The following SGMS1 variants were observed in gnomAD, a reference collection of about 807,000 sequenced individuals.
The protein encoded by SGMS1 is sphingomyelin synthase 1.
SGMS1 carries 13 observed loss-of-function variants against 46.2 expected under a neutral mutation model. That is an observed-to-expected ratio of 0.28 (90% CI 0.18 to 0.45). SGMS1 has a LOEUF of 0.45. Ranked by LOEUF, SGMS1 falls within the 20% of genes least tolerant of loss-of-function variation. SGMS1 has a pLI of 1.00. For synonymous variants in SGMS1, 203 were observed against 187.8 expected (o/e 1.08, Z -0.66); for missense variants, 324 against 519.9 (o/e 0.62, Z 3.66).
At chr10:50,563,839 C>T (rs1838264624) in intron 2 of SGMS1, among the ~76,000 whole-genome samples, 1 of 151,690 alleles carries the variant, frequency 6.6e-6, no homozygotes, top group Non-Finnish European at 1.5e-5. Flanking sequence ...CAGGAATCCA[C>T]AGGCCCAGGG....
chr10:50,450,712 T>C (rs1837096168), intron 5 of SGMS1, among the ~76,000 whole-genome samples: 1 of 151,938 alleles, frequency 6.6e-6, no homozygotes, highest in East Asian at 1.9e-4. Flanking sequence ...TGACCCAAGA[T>C]TAAAAAACCC....
intron 6 of SGMS1, among the ~76,000 whole-genome samples, chr10:50,410,375 T>C (rs1013352035): frequency 1.3e-5 from 2 of 152,152 alleles, no homozygotes; most frequent in Admixed American, 6.5e-5. Flanking sequence ...GGCTGTCCTT[T>C]AGTCTTGCAA....
chr10:50,552,890 T>C (rs1490728478), intron 2 of SGMS1, among the ~76,000 whole-genome samples: 1 of 152,148 alleles, frequency 6.6e-6, no homozygotes, highest in African/African-American at 2.4e-5. Context: ...AAGAAGGCAG[T>C]GTGAACACCA....
chr10:50,590,286 AG>A (rs1254522720), intron 1 of SGMS1, 39 bp from the exon 2 acceptor site: 4 of 152,400 alleles, frequency 2.6e-5, no homozygotes, highest in African/African-American at 9.6e-5. Context: ...GTTATCACCA[AG>A]AATTTTTACT....
At chr10:50,554,816 G>A (rs1454384430) in intron 2 of SGMS1, among the ~76,000 whole-genome samples, 2 of 152,150 alleles carry the variant, frequency 1.3e-5, no homozygotes, top group African/African-American at 4.8e-5. Context: ...TCTTTTTCTA[G>A]ACACACAAAA....
intron 6 of SGMS1, among the ~76,000 whole-genome samples, chr10:50,377,376 G>A (rs909939618): frequency 2.0e-5 from 3 of 152,142 alleles, no homozygotes; most frequent in Admixed American, 6.5e-5. Flanking sequence ...TAAGGGCAGA[G>A]TCCTCATAAC....
chr10:50,604,505 A>G lies in SGMS1; in HGVS notation c.-683-14258T>C, dbSNP rs577917389. 9.2e-5 allele frequency among the ~76,000 whole-genome samples: 14 copies of G among 152,340 alleles called. No homozygotes were observed. The South Asian group carries it at 2.9e-3, about 32-fold the overall frequency. ...TGCCAGGTTAGCTCACTGCACTTGA[A>G]ATTTTAACGGCACAAAAGAACCGCA... On this transcript the variant is annotated intron_variant, in intron 1 of 10. Transcript: ENST00000361781.
intron 3 of SGMS1, among the ~76,000 whole-genome samples, chr10:50,513,154 C>T (rs1837772180): frequency 6.6e-6 from 1 of 152,192 alleles, no homozygotes; most frequent in African/African-American, 2.4e-5. Flanking sequence ...GTTTCAGTTA[C>T]ACCAATTGCT....
At chr10:50,316,179 G>T (rs1035326815) in intron 8 of SGMS1, among the ~76,000 whole-genome samples, 1 of 152,192 alleles carries the variant, frequency 6.6e-6, no homozygotes, top group African/African-American at 2.4e-5. Flanking sequence ...TAGGAGGAAG[G>T]GGGTAACCTA....
At chr10:50,404,491 C>A (rs937673049) in intron 6 of SGMS1, among the ~76,000 whole-genome samples, 1 of 151,922 alleles carries the variant, frequency 6.6e-6, no homozygotes, top group Admixed American at 6.6e-5. Flanking sequence ...TGCCTGTGGT[C>A]CTAGCTACTT....
At chr10:50,354,254 T>C (rs1413860187) in intron 6 of SGMS1, among the ~76,000 whole-genome samples, 1 of 151,940 alleles carries the variant, frequency 6.6e-6, no homozygotes, top group Non-Finnish European at 1.5e-5. Flanking sequence ...TATAGACCAA[T>C]GGAACAGAAC....
At chr10:50,318,978 T>C (rs899582625) in intron 8 of SGMS1, among the ~76,000 whole-genome samples, 1 of 152,150 alleles carries the variant, frequency 6.6e-6, no homozygotes, top group Non-Finnish European at 1.5e-5. Context: ...GGAAGACTTA[T>C]CAAAGGCTTG....
At chr10:50,614,625 C>T (rs1037265811) in intron 1 of SGMS1, among the ~76,000 whole-genome samples, 11 of 152,196 alleles carry the variant, frequency 7.2e-5, no homozygotes, top group South Asian at 2.1e-4. Flanking sequence ...CAGCCCTGGG[C>T]GTTGTAAGCA....
chr10:50,453,807 G>A (rs193139702), intron 5 of SGMS1, among the ~76,000 whole-genome samples: 1,417 of 28,924 alleles, frequency 0.049, 7 homozygotes, highest in East Asian at 0.28. Flanking sequence ...AGAGGAAGGA[G>A]GGAGGGAGGA....
intron 7 of SGMS1, among the ~76,000 whole-genome samples, chr10:50,337,542 G>A (rs1465020409): frequency 6.6e-6 from 1 of 152,188 alleles, no homozygotes; most frequent in African/African-American, 2.4e-5. Flanking sequence ...ATTGTTGACA[G>A]TGTCTGTGGG....
chr10:50,331,134 G>A lies in SGMS1; in HGVS notation c.624-3812C>T, dbSNP rs571944511. On this transcript the variant is annotated intron_variant, in intron 7 of 10. Coordinates refer to ENST00000361781, the MANE Select transcript of SGMS1 (RefSeq NM_147156.4). ...TGAAATAATTTTGTTTAGAGCCAAC[G>A]ACCACACTACTAAAAAACAAAGTTT... is the stretch of plus-strand genomic sequence containing the variant. Among the ~76,000 whole-genome samples the A allele has an allele frequency of 1.7e-3, 264 of 152,226 alleles. 1 individual carries two copies. The highest frequency in any genetic ancestry group is 6.1e-3 in the African/African-American group (254 of 41,540).
intron 3 of SGMS1, among the ~76,000 whole-genome samples, chr10:50,500,034 A>G (rs12251514): frequency 6.6e-6 from 1 of 152,108 alleles, no homozygotes; most frequent in Non-Finnish European, 1.5e-5. Flanking sequence ...CAGGTGTGGT[A>G]GCATGTGCCT....
chr10:50,380,486 T>C (rs893198650), intron 6 of SGMS1, among the ~76,000 whole-genome samples: 1 of 152,058 alleles, frequency 6.6e-6, no homozygotes, highest in Non-Finnish European at 1.5e-5. Context: ...GTCTGGAGTA[T>C]GTTCCTAGAA....
intron 1 of SGMS1, among the ~76,000 whole-genome samples, chr10:50,598,780 C>A (rs575860737): frequency 2.6e-5 from 4 of 152,266 alleles, no homozygotes; most frequent in African/African-American, 9.6e-5. Flanking sequence ...AGTTTACCTA[C>A]CTCTAAAATG....
Sources: gnomAD v4.1 joint callset for allele counts (sites outside exome capture counted in the v4.1 genomes callset) on GRCh38, gnomAD v4.1.1 for gene constraint, MANE v1.5 for transcripts, NCBI Gene and HGNC (gene_info 2026-07-23, HGNC 2026-07-21) for gene names.